SLC30A7: variants seen among roughly 807,000 people sequenced by gnomAD.
SLC30A7 encodes the protein solute carrier family 30 member 7, also known as zinc transporter 7.
In SLC30A7, 35 loss-of-function variants were observed where a neutral mutation model predicts 46.0. That is an observed-to-expected ratio of 0.76 (90% CI 0.58 to 1.01). SLC30A7 has a LOEUF of 1.01. Ranked by LOEUF, SLC30A7 falls within the 50% of genes least tolerant of loss-of-function variation. The pLI, the probability that SLC30A7 is intolerant of heterozygous loss-of-function variation, is 0.00. For missense variants in SLC30A7, 464 were observed against 451.1 expected (o/e 1.03, Z -0.26); for synonymous variants, 147 against 157.8 (o/e 0.93, Z 0.51).
intron 2 of SLC30A7, among the ~76,000 whole-genome samples, chr1:100,903,936 A>G (rs1427670145): frequency 2.0e-5 from 3 of 152,194 alleles, no homozygotes; most frequent in Non-Finnish European, 4.4e-5. Flanking sequence ...ACCAGGTATT[A>G]TAAGCATTAA....
intron 8 of SLC30A7, 39 bp downstream of exon 8, chr1:100,921,880 TGAGA>T (rs778839942): frequency 9.7e-6 from 15 of 1,544,208 alleles, no homozygotes; most frequent in African/African-American, 2.7e-5. Context: ...AAAGTGAGAC[TGAGA>T]GAGAAATATG....
At chr1:100,913,859 T>C in intron 6 of SLC30A7, 53 bp downstream of exon 6, 1 of 1,566,534 alleles carries the variant, frequency 6.4e-7, no homozygotes, top group Non-Finnish European at 8.7e-7. Flanking sequence ...AAGAGTTTTG[T>C]GGATTACTTT....
downstream of SLC30A7, among the ~76,000 whole-genome samples, chr1:100,986,121 C>G (rs1657252115): frequency 6.6e-6 from 1 of 152,172 alleles, no homozygotes; most frequent in African/African-American, 2.4e-5. Flanking sequence ...AACAAAGACA[C>G]CACTGCGGCC....
At chr1:100,987,218 A>C in the SLC30A7 span, among the ~76,000 whole-genome samples, 5 of 151,880 alleles carry the variant, frequency 3.3e-5, no homozygotes, top group Non-Finnish European at 5.9e-5. Flanking sequence ...GATTTTCTTT[A>C]TTTATTCCAC....
intron 8 of SLC30A7, among the ~76,000 whole-genome samples, chr1:100,957,145 C>CTT (rs1655268038): frequency 6.6e-6 from 1 of 152,168 alleles, no homozygotes; most frequent in African/African-American, 2.4e-5. Flanking sequence ...AGTTCTCCTG[C>CTT]TTAATAGCTG....
At chr1:100,946,592 G>A (rs1369895646) in intron 8 of SLC30A7, among the ~76,000 whole-genome samples, 1 of 152,144 alleles carries the variant, frequency 6.6e-6, no homozygotes, top group Non-Finnish European at 1.5e-5. Flanking sequence ...TACGTTTATT[G>A]ATTTGCATAT....
intron 8 of SLC30A7, among the ~76,000 whole-genome samples, chr1:100,961,390 A>G (rs1655541079): frequency 6.6e-6 from 1 of 152,158 alleles, no homozygotes; most frequent in Non-Finnish European, 1.5e-5. Flanking sequence ...ATTTCACTGC[A>G]TCTGTGGTTA....
chr1:100,923,289 TACAGGC>T (rs1378063199), intron 8 of SLC30A7, among the ~76,000 whole-genome samples: 14 of 151,648 alleles, frequency 9.2e-5, no homozygotes, highest in East Asian at 1.9e-4. Flanking sequence ...GTGCTGGGAT[TACAGGC>T]GTGAGCCACC....
intron 8 of SLC30A7, among the ~76,000 whole-genome samples, chr1:100,928,405 G>A (rs1044228436): frequency 6.6e-6 from 1 of 152,080 alleles, no homozygotes; most frequent in Admixed American, 6.5e-5. Flanking sequence ...CATGCTATGT[G>A]GCTATTTAGA....
At chr1:100,943,707 C>T (rs1175581297) in intron 8 of SLC30A7, among the ~76,000 whole-genome samples, 2 of 152,072 alleles carry the variant, frequency 1.3e-5, no homozygotes, top group Non-Finnish European at 2.9e-5. Context: ...GGGTCAAAGA[C>T]CAAATATGTA....
At chr1:100,987,540 A>G in the SLC30A7 span, among the ~76,000 whole-genome samples, 1 of 152,116 alleles carries the variant, frequency 6.6e-6, no homozygotes, top group East Asian at 1.9e-4. Context: ...ATATATCTAT[A>G]TTCATTCATT....
chr1:100,967,888 G>A (rs1325546899), intron 10 of SLC30A7, among the ~76,000 whole-genome samples: 1 of 152,210 alleles, frequency 6.6e-6, no homozygotes, highest in Non-Finnish European at 1.5e-5. Flanking sequence ...ATTATGGACT[G>A]TAGTAGTTCA....
At chr1:100,916,013 CTGA>C (rs1390601772) in intron 6 of SLC30A7, among the ~76,000 whole-genome samples, 3 of 152,080 alleles carry the variant, frequency 2.0e-5, no homozygotes, top group Non-Finnish European at 4.4e-5. Flanking sequence ...TTGCATTTCC[CTGA>C]TGATTAGTGA....
At chr1:100,952,072 G>A (rs1447776767) in intron 8 of SLC30A7, among the ~76,000 whole-genome samples, 1 of 152,168 alleles carries the variant, frequency 6.6e-6, no homozygotes, top group Non-Finnish European at 1.5e-5. Context: ...GTGACCTCTA[G>A]ATGTCACGAA....
At chr1:100,901,779 AT>A (rs1237677294) in intron 2 of SLC30A7, among the ~76,000 whole-genome samples, 1 of 152,196 alleles carries the variant, frequency 6.6e-6, no homozygotes, top group African/African-American at 2.4e-5. Flanking sequence ...GAAGGTAGTC[AT>A]TTAAAAGAGT....
the SLC30A7 span, among the ~76,000 whole-genome samples, chr1:100,991,708 G>A: frequency 1.9e-4 from 29 of 150,262 alleles, no homozygotes; most frequent in South Asian, 2.9e-3. Flanking sequence ...AGGGTGGCTT[G>A]AGCCCGGGAG....
intron 2 of SLC30A7, among the ~76,000 whole-genome samples, chr1:100,905,554 G>A (rs941747426): frequency 4.6e-5 from 7 of 151,458 alleles, no homozygotes; most frequent in South Asian, 2.1e-4. Flanking sequence ...TGTTTGATAC[G>A]TCCAGACAGG....
the SLC30A7 span, among the ~76,000 whole-genome samples, chr1:100,987,022 C>T: frequency 6.6e-6 from 1 of 152,144 alleles, no homozygotes; most frequent in Non-Finnish European, 1.5e-5. Flanking sequence ...GTGCAGTGTT[C>T]ATTTTACAAT....
At chr1:100,944,600 C>T (rs1654525036) in intron 8 of SLC30A7, among the ~76,000 whole-genome samples, 1 of 151,496 alleles carries the variant, frequency 6.6e-6, no homozygotes, top group Non-Finnish European at 1.5e-5. Context: ...TGGTTTGCTG[C>T]ACCCATCAAC....
Sources: allele counts gnomAD v4.1 joint callset (sites outside exome capture counted in the v4.1 genomes callset), GRCh38; gene constraint gnomAD v4.1.1; transcripts MANE v1.5; gene names NCBI Gene and HGNC (gene_info 2026-07-23, HGNC 2026-07-21).